The following RNF180 variants were observed in gnomAD, a reference collection of about 807,000 sequenced individuals.
RNF180 encodes ring finger protein 180, also known as E3 ubiquitin-protein ligase RNF180.
Under a neutral mutation model 59.2 loss-of-function variants are expected in RNF180, and 38 were observed. The observed-to-expected ratio is 0.64, with a 90% CI of 0.50 to 0.84. The LOEUF (loss-of-function observed/expected upper bound fraction) is 0.84, where lower values mean the gene tolerates loss of function less well. Ranked by LOEUF, RNF180 falls within the 40% of genes least tolerant of loss-of-function variation. The pLI is 0.00. For missense variants in RNF180, 705 were observed against 700.9 expected (o/e 1.01, Z -0.07); for synonymous variants, 262 against 240.3 (o/e 1.09, Z -0.84).
At chr5:64,195,900 G>A (rs886444620) in intron 1 of RNF180, among the ~76,000 whole-genome samples, 1 of 152,160 alleles carries the variant, frequency 6.6e-6, no homozygotes, top group African/African-American at 2.4e-5. Flanking sequence ...ATTAAGACAT[G>A]CCAATTAATC....
chr5:64,363,054 C>G (rs1160857924), intron 7 of RNF180, among the ~76,000 whole-genome samples: 1 of 151,518 alleles, frequency 6.6e-6, no homozygotes, highest in Non-Finnish European at 1.5e-5. Flanking sequence ...TCTTTTTATT[C>G]TGTTAATAGT....
intron 5 of RNF180, among the ~76,000 whole-genome samples, chr5:64,219,519 AT>A (rs368112217): frequency 2.7e-5 from 4 of 150,238 alleles, no homozygotes; most frequent in Admixed American, 6.6e-5. Context: ...TGAGGATAAC[AT>A]TTTTTTTTCA....
At chr5:64,245,683 C>T (rs1435954859) in intron 5 of RNF180, among the ~76,000 whole-genome samples, 2 of 152,100 alleles carry the variant, frequency 1.3e-5, no homozygotes, top group African/African-American at 4.8e-5. Context: ...CTTTAACACC[C>T]CACTATCAAT....
intron 1 of RNF180, among the ~76,000 whole-genome samples, chr5:64,200,510 T>G (rs910323763): frequency 6.6e-6 from 1 of 152,134 alleles, no homozygotes; most frequent in African/African-American, 2.4e-5. Context: ...ACTCTACAGA[T>G]TGTGTTTACC....
In RNF180 at chr5:64,291,793, G is replaced by A. The variant is rs112383540; in HGVS notation, c.1228-33393G>A. ...TTTCAGGTACCCAAATCAGTTGTAG[G>A]TTTGGTCTTTTTACATAGTTTCATG... On this transcript the variant is annotated intron_variant, in intron 5 of 7. Coordinates refer to ENST00000389100, the MANE Select transcript of RNF180 (RefSeq NM_001113561.2). 2.6e-5 allele frequency among the ~76,000 whole-genome samples: 4 copies of A among 152,094 alleles called. 1 individual carries two copies. Among genetic ancestry groups the A allele is most frequent in the African/African-American group, 9.6e-5 (4 of 41,504 alleles).
intron 2 of RNF180, among the ~76,000 whole-genome samples, chr5:64,208,998 C>T (rs1055264921): frequency 5.9e-5 from 9 of 151,634 alleles, no homozygotes; most frequent in Non-Finnish European, 5.9e-5. Context: ...GTTTTATAAG[C>T]GTTAGAGAAG....
At chr5:64,355,093 TAAATA>T (rs1745964286) in intron 7 of RNF180, among the ~76,000 whole-genome samples, 2 of 151,948 alleles carry the variant, frequency 1.3e-5, no homozygotes, top group South Asian at 4.1e-4. Context: ...TAAAAATAAA[TAAATA>T]AATAAAAGGC....
At chr5:64,273,799 T>A (rs570355363) in intron 5 of RNF180, among the ~76,000 whole-genome samples, 2 of 152,070 alleles carry the variant, frequency 1.3e-5, no homozygotes, top group Admixed American at 1.3e-4. Context: ...ATTTTTTAAA[T>A]GTGAGAAGCC....
At chr5:64,204,388 A>G (rs750651244) in intron 2 of RNF180, among the ~76,000 whole-genome samples, 33 of 152,292 alleles carry the variant, frequency 2.2e-4, no homozygotes, top group Non-Finnish European at 3.7e-4. Flanking sequence ...TTACTGGGCA[A>G]TGCTGTTTTC....
chr5:64,224,099 GTGTGTACA>G (rs1741523361), intron 5 of RNF180, among the ~76,000 whole-genome samples: 2 of 150,934 alleles, frequency 1.3e-5, no homozygotes, highest in South Asian at 4.3e-4. Flanking sequence ...GTGTGTGTGT[GTGTGTACA>G]TACATATTTA....
At chr5:64,205,419 A>G (rs747646760) in intron 2 of RNF180, among the ~76,000 whole-genome samples, 12 of 152,198 alleles carry the variant, frequency 7.9e-5, no homozygotes, top group Non-Finnish European at 1.8e-4. Context: ...GGCAAAAACC[A>G]AAAACAAAAT....
chr5:64,256,204 A>C (rs964635053), intron 5 of RNF180, among the ~76,000 whole-genome samples: 3 of 152,048 alleles, frequency 2.0e-5, no homozygotes, highest in Non-Finnish European at 4.4e-5. Flanking sequence ...CCTTAGTTTA[A>C]TTAGATCCCA....
intron 7 of RNF180, among the ~76,000 whole-genome samples, chr5:64,355,085 A>AAAAT (rs547296045): frequency 7.9e-5 from 12 of 152,052 alleles, no homozygotes; most frequent in South Asian, 4.1e-4. Context: ...ATTTGATTTA[A>AAAAT]AAATAAATAA....
chr5:64,290,170 C>T (rs1276623728), intron 5 of RNF180, among the ~76,000 whole-genome samples: 2 of 152,032 alleles, frequency 1.3e-5, no homozygotes, highest in Middle Eastern at 3.2e-3. Flanking sequence ...CAGATAGTTC[C>T]GTTTCCATGT....
intron 5 of RNF180, among the ~76,000 whole-genome samples, chr5:64,218,881 C>G (rs914327897): frequency 2.0e-5 from 3 of 152,118 alleles, no homozygotes. Context: ...TTTAAAAACA[C>G]TATTTTTGTT....
chr5:64,205,631 T>G (rs896864040), intron 2 of RNF180, among the ~76,000 whole-genome samples: 1 of 152,014 alleles, frequency 6.6e-6, no homozygotes, highest in African/African-American at 2.4e-5. Context: ...AGAAGAGAGA[T>G]CTGAACTAAA....
chr5:64,168,401 C>G (rs948016139), intron 1 of RNF180, among the ~76,000 whole-genome samples: 4 of 152,120 alleles, frequency 2.6e-5, no homozygotes, highest in Non-Finnish European at 5.9e-5. Flanking sequence ...GAATTTGCAA[C>G]CTTCCCAGAA....
intron 5 of RNF180, among the ~76,000 whole-genome samples, chr5:64,259,827 A>G (rs773760544): frequency 2.0e-5 from 3 of 152,112 alleles, no homozygotes; most frequent in Non-Finnish European, 2.9e-5. Context: ...AGGCTGAGGC[A>G]GGAGAATCAC....
intron 5 of RNF180, among the ~76,000 whole-genome samples, chr5:64,224,295 G>A (rs1459986206): frequency 6.6e-6 from 1 of 152,088 alleles, no homozygotes; most frequent in Non-Finnish European, 1.5e-5. Flanking sequence ...TGGTTGCCAG[G>A]CCAACAAAGG....
Sources: gnomAD v4.1 joint callset for allele counts (sites outside exome capture counted in the v4.1 genomes callset) on GRCh38, gnomAD v4.1.1 for gene constraint, MANE v1.5 for transcripts, NCBI Gene and HGNC (gene_info 2026-07-23, HGNC 2026-07-21) for gene names.